The following GRK3 variants were observed in gnomAD, a reference collection of about 807,000 sequenced individuals.
GRK3 encodes G protein-coupled receptor kinase 3.
A neutral mutation model predicts 95.7 loss-of-function variants in GRK3; 54 were observed. The ratio of observed to expected loss-of-function variants is 0.56; its 90% confidence interval spans 0.45 to 0.71. GRK3 has a LOEUF of 0.71. Ranked by LOEUF, GRK3 falls within the 30% of genes least tolerant of loss-of-function variation. The pLI is 0.00. For missense variants in GRK3, 649 were observed against 851.2 expected (o/e 0.76, Z 2.96); for synonymous variants, 281 against 290.8 (o/e 0.97, Z 0.34).
At chr22:25,597,679 C>T (rs1317893518) in intron 1 of GRK3, among the ~76,000 whole-genome samples, 2 of 151,936 alleles carry the variant, frequency 1.3e-5, no homozygotes, top group Admixed American at 1.3e-4. Context: ...TACTGACCAA[C>T]AATAAAGAGA....
chr22:25,685,360 T>C (rs73879517), intron 10 of GRK3, 112 bp downstream of exon 10: 2 of 834,476 alleles, frequency 2.4e-6, no homozygotes, highest in Non-Finnish European at 4.1e-6. Context: ...GGTAATTAGG[T>C]TCCCCCTGAA....
chr22:25,667,848 G>C, intron 6 of GRK3, 48 bp downstream of exon 6: 1 of 1,091,464 alleles, frequency 9.2e-7, no homozygotes, highest in Non-Finnish European at 1.4e-6. Flanking sequence ...TCATGTACGT[G>C]TACCTCATCT....
At chr22:25,671,124 C>T (rs560757686) in intron 6 of GRK3, among the ~76,000 whole-genome samples, 10 of 151,846 alleles carry the variant, frequency 6.6e-5, no homozygotes, top group East Asian at 1.9e-4. Context: ...GAGGCTGAGG[C>T]GGGCGGATCA....
intron 2 of GRK3, among the ~76,000 whole-genome samples, chr22:25,620,051 T>TGG (rs1199205996): frequency 6.2e-5 from 9 of 146,168 alleles, no homozygotes; most frequent in African/African-American, 2.4e-4. Context: ...TGTGTGTGTG[T>TGG]GTGTGTGGTT....
At chr22:25,694,444 G>A (rs900942377) in intron 12 of GRK3, among the ~76,000 whole-genome samples, 1 of 152,176 alleles carries the variant, frequency 6.6e-6, no homozygotes, top group Non-Finnish European at 1.5e-5. Context: ...ATATAAAATG[G>A]TTGTCCTCCT....
intron 1 of GRK3, among the ~76,000 whole-genome samples, chr22:25,587,535 C>A (rs1932355777): frequency 6.6e-6 from 1 of 152,124 alleles, no homozygotes; most frequent in Admixed American, 6.5e-5. Flanking sequence ...CTTAAGCAAT[C>A]CTGCCACGTC....
intron 3 of GRK3, among the ~76,000 whole-genome samples, chr22:25,657,776 A>G (rs1468651017): frequency 6.6e-6 from 1 of 151,856 alleles, no homozygotes; most frequent in East Asian, 1.9e-4. Flanking sequence ...TTCTACCTCA[A>G]TCTTTCTTTC....
chr22:25,631,932 A>G (rs1423860820), intron 2 of GRK3, among the ~76,000 whole-genome samples: 1 of 152,204 alleles, frequency 6.6e-6, no homozygotes, highest in African/African-American at 2.4e-5. Flanking sequence ...GGAAGCTTCC[A>G]TTGTATGGAT....
At chr22:25,663,605 A>C in intron 4 of GRK3, 25 bp from the exon 5 acceptor site, 1 of 1,523,514 alleles carries the variant, frequency 6.6e-7, no homozygotes, top group African/African-American at 1.4e-5. Flanking sequence ...TTATTATTTA[A>C]AAATATTATT....
intron 1 of GRK3, among the ~76,000 whole-genome samples, chr22:25,569,463 T>C (rs1422663351): frequency 6.6e-6 from 1 of 152,216 alleles, no homozygotes; most frequent in Non-Finnish European, 1.5e-5. Context: ...GAGAGCCTCA[T>C]AGATCTCTCT....
chr22:25,644,140 T>C (rs2084763115), intron 2 of GRK3, among the ~76,000 whole-genome samples: 1 of 151,676 alleles, frequency 6.6e-6, no homozygotes, highest in Non-Finnish European at 1.5e-5. Flanking sequence ...CTGGTGTTTT[T>C]TTTTTTGTTT....
intron 1 of GRK3, among the ~76,000 whole-genome samples, chr22:25,598,837 A>G (rs1452653125): frequency 6.6e-6 from 1 of 152,104 alleles, no homozygotes; most frequent in Non-Finnish European, 1.5e-5. Context: ...TGTCATCAAC[A>G]TGGTGCTACA....
At chr22:25,625,271 A>G (rs1365604928) in intron 2 of GRK3, among the ~76,000 whole-genome samples, 1 of 152,216 alleles carries the variant, frequency 6.6e-6, no homozygotes, top group Non-Finnish European at 1.5e-5. Flanking sequence ...ATTAGTTTGT[A>G]GCAATTACTC....
intron 1 of GRK3, among the ~76,000 whole-genome samples, chr22:25,596,986 C>T (rs1569158247): frequency 6.6e-6 from 1 of 152,156 alleles, no homozygotes; most frequent in Non-Finnish European, 1.5e-5. Context: ...ATCTCCTGGC[C>T]TTGTGTTTCC....
chr22:25,606,943 A>G (rs943589036), intron 2 of GRK3, among the ~76,000 whole-genome samples: 3,485 of 152,014 alleles, frequency 0.023, 36 homozygotes, highest in East Asian at 0.034. Context: ...TTAGCTGGTA[A>G]TACACATGAA....
intron 1 of GRK3, among the ~76,000 whole-genome samples, chr22:25,567,240 G>A (rs541548313): frequency 9.9e-5 from 15 of 152,118 alleles, no homozygotes; most frequent in African/African-American, 1.7e-4. Flanking sequence ...TCTCGAATTG[G>A]GCCATTGGAA....
chr22:25,601,076 ACTC>A (rs747258563), intron 1 of GRK3, among the ~76,000 whole-genome samples: 1 of 152,164 alleles, frequency 6.6e-6, no homozygotes, highest in Non-Finnish European at 1.5e-5. Flanking sequence ...CGGTTTCAAC[ACTC>A]CTCTCTCAGT....
chr22:25,599,632 A>G (rs1197567790), intron 1 of GRK3, among the ~76,000 whole-genome samples: 1 of 151,814 alleles, frequency 6.6e-6, no homozygotes, highest in Non-Finnish European at 1.5e-5. Context: ...AATCACATAT[A>G]TAATAAATAA....
chr22:25,713,206 C>T lies in GRK3; in HGVS notation c.1492-1202C>T, dbSNP rs1367370368. On this transcript the variant is annotated intron_variant, in intron 17 of 20. Coordinates refer to ENST00000324198, the MANE Select transcript of GRK3 (RefSeq NM_005160.4). ...ACCGTTCAGAGCCTGTCCCTGTGTG[C>T]CTGATCTCAGGTGCTCATCGGACCT... Among the ~76,000 whole-genome samples the T allele has an allele frequency of 2.0e-5, 3 of 152,264 alleles. No individual in the cohort carries two copies. The East Asian group carries it at 5.8e-4, about 29-fold the overall frequency.
Sources: gnomAD v4.1 joint callset for allele counts (sites outside exome capture counted in the v4.1 genomes callset) on GRCh38, gnomAD v4.1.1 for gene constraint, MANE v1.5 for transcripts, NCBI Gene and HGNC (gene_info 2026-07-23, HGNC 2026-07-21) for gene names.